PDE8B: variants seen among roughly 807,000 people sequenced by gnomAD.
PDE8B encodes the protein high affinity cAMP-specific and IBMX-insensitive 3',5'-cyclic phosphodiesterase 8B.
Under a neutral mutation model 101.3 loss-of-function variants are expected in PDE8B, and 26 were observed. The observed-to-expected ratio is 0.26, with a 90% confidence interval of 0.19 to 0.36. The LOEUF (loss-of-function observed/expected upper bound fraction) is 0.36. Among genes scored for constraint, PDE8B ranks in the 10% least tolerant of loss-of-function variants. The probability of loss-of-function intolerance (pLI) is 1.00; values close to 1 mark genes in which losing one functional copy is unlikely to be tolerated. For missense variants in PDE8B, 810 were observed against 1,163.1 expected (o/e 0.70, Z 4.42); for synonymous variants, 424 against 429.3 (o/e 0.99, Z 0.15).
At chr5:77,155,524 T>C in the PDE8B span, among the ~76,000 whole-genome samples, 4 of 152,226 alleles carry the variant, frequency 2.6e-5, no homozygotes, top group Non-Finnish European at 4.4e-5. Context: ...AATTACTTAA[T>C]CTCTCTGTGT....
upstream of PDE8B, among the ~76,000 whole-genome samples, chr5:77,206,952 T>A (rs894313010): frequency 6.6e-6 from 1 of 152,234 alleles, no homozygotes; most frequent in Non-Finnish European, 1.5e-5. Flanking sequence ...CTGGAGATCA[T>A]CTAGGAAATT....
intron 20 of PDE8B, among the ~76,000 whole-genome samples, chr5:77,424,819 G>GTTTTTTTTTTTTTTTTTTTTTTTTTT (rs912849753): frequency 9.1e-6 from 1 of 110,046 alleles, no homozygotes; most frequent in Non-Finnish European, 2.1e-5. Flanking sequence ...CTGTTTTTTT[G>GTTTTTTTTTTTTTTTTTTTTTTTTTT]TTTTTTGTTT....
intron 11 of PDE8B, among the ~76,000 whole-genome samples, chr5:77,403,827 T>A (rs1488650900): frequency 6.6e-6 from 1 of 152,030 alleles, no homozygotes; most frequent in African/African-American, 2.4e-5. Context: ...TAAATTCTTT[T>A]TTTTTTTGGA....
At chr5:77,164,667 ACT>A in the PDE8B span, among the ~76,000 whole-genome samples, 1 of 152,046 alleles carries the variant, frequency 6.6e-6, no homozygotes, top group African/African-American at 2.4e-5. Flanking sequence ...ACTCTGGAAG[ACT>A]CTCAGATTTC....
chr5:77,243,582 A>G (rs1756225685), intron 1 of PDE8B, among the ~76,000 whole-genome samples: 1 of 152,182 alleles, frequency 6.6e-6, no homozygotes, highest in Non-Finnish European at 1.5e-5. Context: ...GAAATTTTAT[A>G]TAAATGGAAT....
chr5:77,409,738 T>C (rs931290322), intron 14 of PDE8B, among the ~76,000 whole-genome samples: 4 of 152,254 alleles, frequency 2.6e-5, no homozygotes, highest in African/African-American at 9.6e-5. Context: ...AATTGTTTAT[T>C]TGAGTTCCCC....
chr5:77,270,450 C>A (rs1291002240), intron 1 of PDE8B, among the ~76,000 whole-genome samples: 1 of 152,116 alleles, frequency 6.6e-6, no homozygotes, highest in Non-Finnish European at 1.5e-5. Flanking sequence ...CCTTTTATTT[C>A]TTTCTCTTGT....
chr5:77,229,190 C>A (rs1753046409), intron 1 of PDE8B, among the ~76,000 whole-genome samples: 1 of 152,164 alleles, frequency 6.6e-6, no homozygotes, highest in Non-Finnish European at 1.5e-5. Context: ...TGTAAATTTT[C>A]TTTCTAGTTA....
At chr5:77,392,831 G>C (rs1455494924) in intron 10 of PDE8B, among the ~76,000 whole-genome samples, 1 of 152,206 alleles carries the variant, frequency 6.6e-6, no homozygotes, top group Non-Finnish European at 1.5e-5. Flanking sequence ...GAGGTTCACA[G>C]GCTGTTGGAA....
chr5:77,192,016 C>T, the PDE8B span, among the ~76,000 whole-genome samples: 1 of 152,090 alleles, frequency 6.6e-6, no homozygotes, highest in Non-Finnish European at 1.5e-5. Context: ...TCTATGAGAA[C>T]CTAATGCTGC....
intron 1 of PDE8B, among the ~76,000 whole-genome samples, chr5:77,304,982 C>T (rs1468562389): frequency 6.6e-6 from 1 of 152,076 alleles, no homozygotes; most frequent in African/African-American, 2.4e-5. Context: ...GTGTTGTTAC[C>T]TTCCACGAGG....
intron 11 of PDE8B, 75 bp from the exon 12 acceptor site, chr5:77,404,645 A>G (rs1581517353): frequency 1.1e-6 from 1 of 900,876 alleles, no homozygotes; most frequent in African/African-American, 1.6e-5. Context: ...GAGAATAAAG[A>G]AAAAACATGT....
chr5:77,288,839 C>CT (rs55906951), intron 1 of PDE8B, among the ~76,000 whole-genome samples: 3,910 of 128,362 alleles, frequency 0.03, 75 homozygotes, highest in Non-Finnish European at 0.037. Flanking sequence ...CTGCCCCCAT[C>CT]TTTTTTTTTT....
the PDE8B span, among the ~76,000 whole-genome samples, chr5:77,154,196 T>C: frequency 6.6e-6 from 1 of 152,232 alleles, no homozygotes; most frequent in African/African-American, 2.4e-5. Context: ...CCCAAATTGC[T>C]GATGGTCCTG....
intron 1 of PDE8B, among the ~76,000 whole-genome samples, chr5:77,307,901 A>G (rs986825975): frequency 6.6e-6 from 1 of 152,092 alleles, no homozygotes; most frequent in Non-Finnish European, 1.5e-5. Flanking sequence ...AAACTTGGCC[A>G]CTTCCTGGAA....
chr5:77,304,878 G>A (rs1770814357), intron 1 of PDE8B, among the ~76,000 whole-genome samples: 3 of 152,080 alleles, frequency 2.0e-5, no homozygotes. Flanking sequence ...GTTTTTCGTG[G>A]AGCTATCTGG....
At chr5:77,324,195 T>C (rs969505364) in intron 2 of PDE8B, among the ~76,000 whole-genome samples, 5 of 152,192 alleles carry the variant, frequency 3.3e-5, no homozygotes, top group Non-Finnish European at 4.4e-5. Flanking sequence ...GAGATTACTA[T>C]AGGTTTTTCT....
chr5:77,111,838 T>C, the PDE8B span: 4 of 152,138 alleles, frequency 2.6e-5, no homozygotes, highest in African/African-American at 9.7e-5. Context: ...AGAGAGTCAT[T>C]GGAAGGAATT....
upstream of PDE8B, among the ~76,000 whole-genome samples, chr5:77,205,658 C>T (rs956239178): frequency 3.3e-5 from 5 of 152,192 alleles, no homozygotes; most frequent in African/African-American, 1.2e-4. Flanking sequence ...ATTACACTTA[C>T]TCATTTACAT....
Sources: gnomAD v4.1 joint callset for allele counts (sites outside exome capture counted in the v4.1 genomes callset) on GRCh38, gnomAD v4.1.1 for gene constraint, MANE v1.5 for transcripts, NCBI Gene and HGNC (gene_info 2026-07-23, HGNC 2026-07-21) for gene names.